The following FHIT variants were observed in gnomAD, a reference collection of about 807,000 sequenced individuals.
FHIT encodes bis(5'-adenosyl)-triphosphatase.
FHIT carries 19 observed loss-of-function variants against 17.9 expected under a neutral mutation model. The ratio of observed to expected loss-of-function variants is 1.06; its 90% CI spans 0.74 to 1.56. FHIT has a LOEUF of 1.56. Among genes scored for constraint, FHIT ranks in the 40% most tolerant of loss-of-function variants. The pLI, the probability that FHIT is intolerant of heterozygous loss-of-function variation, is 0.00. For missense variants in FHIT, 248 were observed against 189.2 expected (o/e 1.31, Z -1.82); for synonymous variants, 81 against 69.7 (o/e 1.16, Z -0.81).
intron 5 of FHIT, among the ~76,000 whole-genome samples, chr3:60,535,238 CA>C (rs1019514742): frequency 6.6e-6 from 1 of 151,432 alleles, no homozygotes; most frequent in Non-Finnish European, 1.5e-5. Context: ...GGAACAACAA[CA>C]AAAAAAAGTG....
intron 8 of FHIT, among the ~76,000 whole-genome samples, chr3:59,826,771 TA>T (rs1254669136): frequency 6.6e-6 from 1 of 152,202 alleles, no homozygotes; most frequent in East Asian, 1.9e-4. Flanking sequence ...ATGTAACAAT[TA>T]AAAACACCCC....
chr3:60,802,233 A>G, intron 4 of FHIT, among the ~76,000 whole-genome samples: 1 of 152,238 alleles, frequency 6.6e-6, no homozygotes, highest in East Asian at 1.9e-4. Context: ...CTTTCATGGT[A>G]AAAATGACAA....
intron 5 of FHIT, among the ~76,000 whole-genome samples, chr3:60,050,295 T>A (rs149349800): frequency 7.4e-4 from 112 of 152,314 alleles, no homozygotes; most frequent in African/African-American, 2.4e-3. Context: ...TTAATTATAA[T>A]TAAATTCCTT....
chr3:59,840,157 T>TC (rs1437994979), intron 8 of FHIT, among the ~76,000 whole-genome samples: 1 of 152,182 alleles, frequency 6.6e-6, no homozygotes, highest in Non-Finnish European at 1.5e-5. Flanking sequence ...AGGTGAAATC[T>TC]TGACATCTCA....
At chr3:60,682,839 CTTCTGGAAAGGA>C (rs1479137208) in intron 4 of FHIT, among the ~76,000 whole-genome samples, 2 of 152,082 alleles carry the variant, frequency 1.3e-5, no homozygotes, top group Non-Finnish European at 2.9e-5. Context: ...AAATGAAAAC[CTTCTGGAAAGGA>C]TTCACCATGC....
At chr3:60,627,383 C>T (rs2039318048) in intron 4 of FHIT, among the ~76,000 whole-genome samples, 1 of 152,074 alleles carries the variant, frequency 6.6e-6, no homozygotes, top group East Asian at 1.9e-4. Flanking sequence ...TTTGTAGAAT[C>T]AGTTTTGTTT....
At chr3:60,515,095 G>A (rs1384535013) in intron 5 of FHIT, among the ~76,000 whole-genome samples, 2 of 152,210 alleles carry the variant, frequency 1.3e-5, no homozygotes, top group Non-Finnish European at 2.9e-5. Context: ...ACAGGCAGGC[G>A]CGGAGTGGTG....
At chr3:60,314,571 C>T (rs1457663830) in intron 5 of FHIT, among the ~76,000 whole-genome samples, 1 of 152,134 alleles carries the variant, frequency 6.6e-6, no homozygotes, top group African/African-American at 2.4e-5. Context: ...CAGAACTAGA[C>T]TCACATTTTA....
At chr3:61,216,438 A>T (rs140974393) in intron 1 of FHIT, among the ~76,000 whole-genome samples, 5,121 of 152,352 alleles carry the variant, frequency 0.034, 114 homozygotes, top group African/African-American at 0.052. Context: ...TCAAAACCAC[A>T]ATGAGATACC....
intron 3 of FHIT, among the ~76,000 whole-genome samples, chr3:60,874,819 A>T (rs1186502757): frequency 6.6e-6 from 1 of 152,122 alleles, no homozygotes; most frequent in Non-Finnish European, 1.5e-5. Context: ...GTCACCTCTG[A>T]GGCAGGGTGT....
At chr3:60,113,704 A>T (rs926775303) in intron 5 of FHIT, among the ~76,000 whole-genome samples, 1 of 151,520 alleles carries the variant, frequency 6.6e-6, no homozygotes, top group Non-Finnish European at 1.5e-5. Context: ...ATGATCAATG[A>T]TAAATTTTAT....
chr3:60,415,065 T>C (rs895592369), intron 5 of FHIT, among the ~76,000 whole-genome samples: 1 of 152,158 alleles, frequency 6.6e-6, no homozygotes, highest in Non-Finnish European at 1.5e-5. Flanking sequence ...TGCACTTTAA[T>C]AGGCATCCTC....
chr3:60,716,852 C>A (rs1553706938), intron 4 of FHIT, among the ~76,000 whole-genome samples: 4 of 152,148 alleles, frequency 2.6e-5, no homozygotes, highest in Non-Finnish European at 1.5e-5. Context: ...GCAATAGGAA[C>A]TTTTTAGCTC....
intron 4 of FHIT, among the ~76,000 whole-genome samples, chr3:60,760,440 G>A (rs918099805): frequency 2.6e-4 from 40 of 152,188 alleles, no homozygotes; most frequent in African/African-American, 9.4e-4. Flanking sequence ...GAAAAGGGTG[G>A]GAAATAGTCA....
chr3:61,186,201 T>C (rs1168095665), intron 2 of FHIT, among the ~76,000 whole-genome samples: 1 of 152,210 alleles, frequency 6.6e-6, no homozygotes, highest in African/African-American at 2.4e-5. Context: ...CTTCCAGTGT[T>C]ATTAAAGTTG....
At chr3:59,945,155 TCCCCTTCCTC>T (rs1706737148) in intron 7 of FHIT, among the ~76,000 whole-genome samples, 1 of 152,160 alleles carries the variant, frequency 6.6e-6, no homozygotes, top group African/African-American at 2.4e-5. Flanking sequence ...GTATAAGCAG[TCCCCTTCCTC>T]CACAACCTCA....
At position 60,884,107 on chromosome 3, in the gene FHIT, A is replaced by G. The variant is rs147041354; in HGVS notation, c.-110-62096T>C. 3.2e-3 allele frequency among the ~76,000 whole-genome samples: 481 copies of G among 152,312 alleles called. 3 individuals carry two copies. The highest frequency in any genetic ancestry group is 0.011 in the African/African-American group (453 of 41,584). ...CATACAAATGGACAAGAGGCATATG[A>G]AAAAATGCTCAGCATCCGTAATCCT... On this transcript the variant is annotated intron_variant, in intron 3 of 9. Coordinates refer to ENST00000492590, the MANE Select transcript of FHIT (RefSeq NM_002012.4).
Position 60,707,241 on chromosome 3 carries a change from T to C in FHIT, c.-18+114678A>G, listed in dbSNP as rs374090931. Among the ~76,000 whole-genome samples the C allele has an allele frequency of 7.2e-5, 11 of 152,212 alleles. No homozygotes were observed. In the East Asian group the frequency reaches 1.5e-3, roughly 21 times the overall value. ...GCTGTTAAGTAAAGGATGTGAAAAA[T>C]GGAAACCGTGATGACAATTTTAATC... On this transcript the variant is annotated intron_variant, in intron 4 of 9. Transcript: ENST00000492590.
chr3:61,205,619 T>A (rs181494849), intron 1 of FHIT, among the ~76,000 whole-genome samples: 1 of 152,366 alleles, frequency 6.6e-6, no homozygotes, highest in Non-Finnish European at 1.5e-5. Context: ...GTAAATGTCT[T>A]CTTTTGAGAA....
Sources: allele counts gnomAD v4.1 joint callset (sites outside exome capture counted in the v4.1 genomes callset), GRCh38; gene constraint gnomAD v4.1.1; transcripts MANE v1.5; gene names NCBI Gene and HGNC (gene_info 2026-07-23, HGNC 2026-07-21).